MTR: variants seen among roughly 807,000 people sequenced by gnomAD.
MTR encodes the protein methionine synthase.
A neutral mutation model predicts 154.8 loss-of-function variants in MTR; 84 were observed. The observed-to-expected ratio is 0.54, with a 90% CI of 0.45 to 0.65. The LOEUF is 0.65. MTR is among the 30% of genes least tolerant of loss of function. The pLI is 0.00. For missense variants in MTR, 1,275 were observed against 1,570.2 expected (o/e 0.81, Z 3.18); for synonymous variants, 554 against 553.9 (o/e 1.00, Z 0.00).
intron 1 of MTR, among the ~76,000 whole-genome samples, chr1:236,796,833 A>G (rs966907147): frequency 2.0e-4 from 31 of 152,018 alleles, no homozygotes; most frequent in African/African-American, 7.5e-4. Flanking sequence ...TTTATATCTT[A>G]TTGAATAAAT....
At chr1:236,798,973 G>A (rs1328377968) in intron 1 of MTR, among the ~76,000 whole-genome samples, 1 of 152,110 alleles carries the variant, frequency 6.6e-6, no homozygotes, top group Non-Finnish European at 1.5e-5. Flanking sequence ...CCTCCTACTG[G>A]AAAAACTGGA....
chr1:236,797,018 T>TA (rs58684060), intron 1 of MTR, among the ~76,000 whole-genome samples: 218 of 147,028 alleles, frequency 1.5e-3, no homozygotes, highest in South Asian at 6.2e-3. Context: ...GTGAGTGATT[T>TA]AAAAAAAAAA....
chr1:236,837,189 GTGT>G (rs1662957456), intron 14 of MTR, among the ~76,000 whole-genome samples: 2 of 152,166 alleles, frequency 1.3e-5, no homozygotes, highest in African/African-American at 4.8e-5. Flanking sequence ...CACTGGCCTG[GTGT>G]TGTCATTGCA....
chr1:236,873,711 A>G (rs1334255700), intron 22 of MTR, 62 bp from the exon 23 acceptor site: 1 of 1,380,116 alleles, frequency 7.2e-7, no homozygotes, highest in Non-Finnish European at 1.0e-6. Flanking sequence ...AAAAATGTTC[A>G]TTTCAGTTTT....
Position 236,893,530 on chromosome 1 carries a change from A to G in MTR, c.3205-827A>G, listed in dbSNP as rs542634483. Among the ~76,000 whole-genome samples the G allele has an allele frequency of 2.6e-4, 40 of 152,338 alleles. No individual in the cohort carries two copies. The South Asian group carries it at 7.9e-3, about 30-fold the overall frequency. The stretch of plus-strand genomic sequence containing the variant: ...TAAAATGGAGCTGATGGTATCACCT[A>G]TGTCACAAGGTGGTTGAGAGGGTTA... On this transcript the variant is annotated intron_variant, in intron 29 of 32. Transcript: ENST00000366577.
chr1:236,817,142 T>C (rs144472506), intron 8 of MTR, among the ~76,000 whole-genome samples: 5 of 152,352 alleles, frequency 3.3e-5, no homozygotes, highest in Non-Finnish European at 7.3e-5. Context: ...TCCCTATTTA[T>C]ATTTTATTTT....
At position 236,886,345 on chromosome 1, in the gene MTR, T is replaced by C. The variant is rs1424783945; in HGVS notation, c.2829T>C (p.Asp943=). 7 of 1,614,028 alleles carry C rather than the reference T, an allele frequency of 4.3e-6. No individual in the cohort carries two copies. The East Asian group carries it at 1.1e-4, about 26-fold the overall frequency. ...SQARKSGFQM[D]WLSEPHPVKP... is the part of the protein sequence containing the mutation. ...CCAGAAAAAGTGGTTTCCAAATGGA[T>C]TGGCTGTCTGAACCTCACCCAGGTC... Residue 943 remains aspartate (D), a synonymous_variant, in exon 27 of 33, where the codon GAT becomes GAC. Coordinates refer to ENST00000366577, the MANE Select transcript of MTR (RefSeq NM_000254.3).
intron 8 of MTR, chr1:236,820,572 T>C (rs1356241899): frequency 4.0e-6 from 2 of 499,096 alleles, no homozygotes; most frequent in Non-Finnish European, 7.0e-6. Context: ...TGATGGAAAA[T>C]AAGCGTCAGT....
In MTR at chr1:236,852,543, T is replaced by C. The variant is rs776985001; in HGVS notation, c.1718T>C (p.Ile573Thr). 2.5e-6 allele frequency: 4 copies of C among 1,614,036 alleles called. No homozygotes were observed. Among genetic ancestry groups the C allele is most frequent in the Non-Finnish European group, 3.4e-6 (4 of 1,179,944 alleles). Residue 573 changes from isoleucine to threonine, a missense_variant, in exon 17 of 33, where the codon ATA (isoleucine) becomes ACA (threonine). Transcript: ENST00000366577. The stretch of plus-strand genomic sequence containing the variant: ...CAGGAAACATTACCTGGAGCCAGAA[T>C]AAGTGGAGGTCTTTCCAACTTGTCC... ...VIKETLPGARISGGLSNLSFS... is the reference protein window; with the variant it reads ...VIKETLPGARTSGGLSNLSFS...
chr1:236,840,526 C>A (rs962431824), intron 15 of MTR, among the ~76,000 whole-genome samples: 3 of 152,156 alleles, frequency 2.0e-5, no homozygotes, highest in African/African-American at 7.2e-5. Flanking sequence ...TAAGACCCCT[C>A]TGAGGAGGCA....
chr1:236,809,827 C>A (rs1661198201), intron 4 of MTR, among the ~76,000 whole-genome samples: 1 of 152,194 alleles, frequency 6.6e-6, no homozygotes, highest in Non-Finnish European at 1.5e-5. Context: ...TAGGAATGAA[C>A]ACAACTTGCT....
chr1:236,825,428 T>C, intron 10 of MTR, 29 bp downstream of exon 10: 1 of 1,562,828 alleles, frequency 6.4e-7, no homozygotes, highest in Non-Finnish European at 8.8e-7. Flanking sequence ...ACTGGCTTTT[T>C]AAGAGAGACA....
intron 13 of MTR, among the ~76,000 whole-genome samples, chr1:236,833,811 TAA>T (rs1314228409): frequency 1.3e-5 from 2 of 152,232 alleles, no homozygotes; most frequent in African/African-American, 4.8e-5. Context: ...CCGTGATTCT[TAA>T]GAAATAGGTC....
In MTR at chr1:236,826,818, C is replaced by A. The variant is rs747767873; in HGVS notation, c.928-11C>A. 6.2e-7 allele frequency: 1 copy of A among 1,613,752 alleles called. No individual in the cohort carries two copies. Among genetic ancestry groups the A allele is most frequent in the East Asian group, 2.2e-5 (1 of 44,860 alleles). ...TGAACTTGCTGAAACTTTGTCTCTTCCTAAATGCAGGATTTTGCTATGGAT... is the reference window on the plus strand; with the variant it reads ...TGAACTTGCTGAAACTTTGTCTCTTACTAAATGCAGGATTTTGCTATGGAT... On this transcript the variant is annotated splice_polypyrimidine_tract_variant and intron_variant, in intron 10 of 32. Coordinates refer to ENST00000366577, the MANE Select transcript of MTR (RefSeq NM_000254.3).
At chr1:236,811,679 T>G in intron 5 of MTR, 1 of 456,298 alleles carries the variant, frequency 2.2e-6, no homozygotes. Flanking sequence ...CCCTTGCTCT[T>G]GGGCTGTACA....
At chr1:236,833,906 C>G (rs1662759495) in intron 13 of MTR, among the ~76,000 whole-genome samples, 1 of 152,162 alleles carries the variant, frequency 6.6e-6, no homozygotes, top group Non-Finnish European at 1.5e-5. Context: ...CATCCATTCC[C>G]CATTAGTCAG....
At chr1:236,811,169 A>G (rs527915026) in intron 5 of MTR, among the ~76,000 whole-genome samples, 1 of 152,234 alleles carries the variant, frequency 6.6e-6, no homozygotes, top group East Asian at 1.9e-4. Flanking sequence ...TTGTACAGGG[A>G]AACTCCCCCT....
At chr1:236,889,968 C>T (rs753052730) in intron 28 of MTR, among the ~76,000 whole-genome samples, 3 of 151,994 alleles carry the variant, frequency 2.0e-5, no homozygotes, top group Admixed American at 6.6e-5. Flanking sequence ...ATTACTACCC[C>T]CACTTCTCAC....
intron 8 of MTR, chr1:236,819,796 C>T (rs2103074727): frequency 1.3e-6 from 1 of 760,400 alleles, no homozygotes; most frequent in Non-Finnish European, 2.4e-6. Context: ...CTGAAGAGGA[C>T]CTGGGAGAAG....
Sources: allele counts gnomAD v4.1 joint callset (sites outside exome capture counted in the v4.1 genomes callset), GRCh38; gene constraint gnomAD v4.1.1; transcripts MANE v1.5; gene names NCBI Gene and HGNC (gene_info 2026-07-23, HGNC 2026-07-21).